Variants in LTBP2 observed in about 807,000 individuals in gnomAD.
The protein encoded by LTBP2 is latent-transforming growth factor beta-binding protein 2.
In LTBP2, 103 loss-of-function variants were observed where a neutral mutation model predicts 210.6. The observed-to-expected ratio is 0.49, with a 90% CI of 0.42 to 0.58. The LOEUF (loss-of-function observed/expected upper bound fraction) is 0.58, where lower values mean the gene tolerates loss of function less well. Among genes scored for constraint, LTBP2 ranks in the 20% least tolerant of loss-of-function variants. The pLI is 0.00. For missense variants in LTBP2, 2,313 were observed against 2,494.5 expected (o/e 0.93, Z 1.55); for synonymous variants, 1,007 against 1,015.0 (o/e 0.99, Z 0.15).
chr14:74,499,622 A>T lies in LTBP2; in HGVS notation c.*1262T>A, dbSNP rs868710850. 12 of 227,674 alleles carry T rather than the reference A, an allele frequency of 5.3e-5. No homozygotes were observed. Among genetic ancestry groups the T allele is most frequent in the Non-Finnish European group, 8.7e-5 (10 of 114,676 alleles). 14.1% of individuals were successfully genotyped at this position (227,674 alleles called of 1,614,324 possible). ...CCTTGTCTTTTAATAGTAAAGAGTC[A>T]TTTCCCATTGGAACCCATCATAGGC... On this transcript the variant is annotated 3_prime_UTR_variant, in exon 36 of 36. Transcript: ENST00000261978.
At chr14:74,525,871 C>T (rs753502896) in intron 14 of LTBP2, among the ~76,000 whole-genome samples, 13 of 152,208 alleles carry the variant, frequency 8.5e-5, no homozygotes, top group Non-Finnish European at 1.9e-4. Context: ...ATCTGTGAAG[C>T]GTCATGGGGT....
intron 3 of LTBP2, among the ~76,000 whole-genome samples, chr14:74,572,150 T>C (rs1005719196): frequency 6.6e-6 from 1 of 152,184 alleles, no homozygotes; most frequent in African/African-American, 2.4e-5. Flanking sequence ...TACACCCCTC[T>C]GGGTCCCAAG....
intron 1 of LTBP2, among the ~76,000 whole-genome samples, chr14:74,607,833 G>A (rs938273891): frequency 4.0e-5 from 6 of 150,758 alleles, no homozygotes; most frequent in African/African-American, 1.5e-4. Context: ...AGGGAAGGAG[G>A]CAAATTTATA....
rs2088206203 is a variant in LTBP2, at chr14:74,586,425, A to G, written c.566-307T>C. Among the ~76,000 whole-genome samples, 2 of 152,178 alleles carry G rather than the reference A, an allele frequency of 1.3e-5. No individual in the cohort carries two copies. Among genetic ancestry groups the G allele is most frequent in the Admixed American group, 6.5e-5 (1 of 15,286 alleles). The stretch of plus-strand genomic sequence containing the variant: ...AAGTGCACTGCCTGACACTGTGTCT[A>G]TACTGAAATGTTCACTCCCACCAGA... On this transcript the variant is annotated intron_variant, in intron 2 of 35. Coordinates refer to ENST00000261978, the MANE Select transcript of LTBP2 (RefSeq NM_000428.3). This position sits in a 1 kb window ranked among gnomAD's most constrained non-coding sequence, Gnocchi z 4.6.
At chr14:74,501,361 G>A (rs543024921) in intron 35 of LTBP2, 80 bp downstream of exon 35, 2 of 1,599,670 alleles carry the variant, frequency 1.3e-6, no homozygotes, top group East Asian at 2.2e-5. Flanking sequence ...GGCAGCAGTG[G>A]CTCTTCCAGC....
chr14:74,558,310 G>A (rs936544481), intron 3 of LTBP2, among the ~76,000 whole-genome samples: 8 of 152,150 alleles, frequency 5.3e-5, no homozygotes, highest in East Asian at 1.9e-4. Context: ...CACGAGAATC[G>A]CTTGAACCCA....
intron 3 of LTBP2, among the ~76,000 whole-genome samples, chr14:74,576,944 T>C (rs1412075532): frequency 6.6e-6 from 1 of 152,066 alleles, no homozygotes; most frequent in Non-Finnish European, 1.5e-5. Flanking sequence ...TCTCACAACA[T>C]CCCAGTGAGG....
At chr14:74,606,857 CAA>C (rs981249566) in intron 1 of LTBP2, among the ~76,000 whole-genome samples, 18 of 143,388 alleles carry the variant, frequency 1.3e-4, no homozygotes, top group African/African-American at 4.6e-4. Context: ...ACAAAACAAA[CAA>C]AAAAAAAAAA....
At chr14:74,516,166 G>A (rs1257169126) in intron 18 of LTBP2, among the ~76,000 whole-genome samples, 1 of 152,186 alleles carries the variant, frequency 6.6e-6, no homozygotes. Flanking sequence ...AGCCAGTCTC[G>A]AGAGCAAATG....
intron 8 of LTBP2, among the ~76,000 whole-genome samples, chr14:74,546,168 C>A (rs902238862): frequency 2.0e-5 from 3 of 152,154 alleles, no homozygotes; most frequent in African/African-American, 7.2e-5. Flanking sequence ...CTGGGGATGA[C>A]AAAGGCTTCC....
At position 74,551,037 on chromosome 14, in the gene LTBP2, G is replaced by A. The variant is rs754690475; in HGVS notation, c.1686+27C>T. ...ACAACTGCCATCCTGGAAGCATCCAGGGCTGAGGCCAGAGCTGTGTTCTCA... is the reference window on the plus strand; with the variant it reads ...ACAACTGCCATCCTGGAAGCATCCAAGGCTGAGGCCAGAGCTGTGTTCTCA... On this transcript the variant is annotated intron_variant, in intron 7 of 35. Transcript: ENST00000261978. 6 of 1,613,174 alleles carry A rather than the reference G, an allele frequency of 3.7e-6. No homozygotes were observed. In the African/African-American group the frequency reaches 8.0e-5, roughly 22 times the overall value.
chr14:74,503,423 A>G, intron 32 of LTBP2, 37 bp from the exon 33 acceptor site: 1 of 1,610,008 alleles, frequency 6.2e-7, no homozygotes, highest in Non-Finnish European at 8.5e-7. Flanking sequence ...TGAGCCCCCC[A>G]GCCCAGGTAC....
chr14:74,545,471 G>T (rs1488542210), intron 8 of LTBP2, among the ~76,000 whole-genome samples: 1 of 152,218 alleles, frequency 6.6e-6, no homozygotes, highest in Non-Finnish European at 1.5e-5. Flanking sequence ...AGATACAGAG[G>T]GCCCTGGGTT....
intron 3 of LTBP2, among the ~76,000 whole-genome samples, chr14:74,564,463 C>T (rs183098903): frequency 0.013 from 1,790 of 139,352 alleles, 44 homozygotes; most frequent in African/African-American, 0.047. Context: ...GACGCAGTCT[C>T]GGCTCACTGC....
At chr14:74,533,605 A>G (rs968960732) in intron 9 of LTBP2, among the ~76,000 whole-genome samples, 1 of 152,144 alleles carries the variant, frequency 6.6e-6, no homozygotes, top group Non-Finnish European at 1.5e-5. Flanking sequence ...CACAGTTAAG[A>G]GTGTGCAAAG....
At chr14:74,525,049 C>T in intron 15 of LTBP2, 75 bp downstream of exon 15, 1 of 796,058 alleles carries the variant, frequency 1.3e-6, no homozygotes, top group Non-Finnish European at 1.8e-6. Flanking sequence ...CATGCCCCTG[C>T]CCTGGAGTTG....
At chr14:74,551,633 G>GC (rs1300747125) in intron 6 of LTBP2, among the ~76,000 whole-genome samples, 2 of 152,060 alleles carry the variant, frequency 1.3e-5, no homozygotes, top group African/African-American at 4.8e-5. Flanking sequence ...TGGAACTCCA[G>GC]CCCCCTGTCT....
chr14:74,517,165 C>A (rs1394627192), intron 17 of LTBP2, among the ~76,000 whole-genome samples: 2 of 152,156 alleles, frequency 1.3e-5, no homozygotes, highest in Admixed American at 6.5e-5. Flanking sequence ...TCCTTTCTCT[C>A]AGGGGAGTCT....
At chr14:74,509,906 G>A in intron 20 of LTBP2, 47 bp from the exon 21 acceptor site, 1 of 1,613,810 alleles carries the variant, frequency 6.2e-7, no homozygotes, top group Non-Finnish European at 8.5e-7. Context: ...AGGACAGACA[G>A]GCCAGGACAC....
Sources: allele counts gnomAD v4.1 joint callset (sites outside exome capture counted in the v4.1 genomes callset), GRCh38; gene constraint gnomAD v4.1.1; non-coding constraint Gnocchi (gnomAD v3.1); transcripts MANE v1.5; gene names NCBI Gene and HGNC (gene_info 2026-07-23, HGNC 2026-07-21).